ECD: variants seen among roughly 807,000 people sequenced by gnomAD.
ECD encodes the protein protein ecdysoneless homolog.
In ECD, 59 loss-of-function variants were observed where a neutral mutation model predicts 77.2. The ratio of observed to expected loss-of-function variants is 0.76; its 90% CI spans 0.62 to 0.95. The LOEUF is 0.95. ECD is among the 40% of genes least tolerant of loss of function. The pLI, the probability that ECD is intolerant of heterozygous loss-of-function variation, is 0.00. For synonymous variants in ECD, 233 were observed against 267.4 expected, an observed-to-expected ratio of 0.87 and a Z score of 1.26; for missense variants, 704 against 763.4, an observed-to-expected ratio of 0.92 and a Z score of 0.92.
At chr10:73,164,553 C>T (rs542742406) in intron 1 of ECD, among the ~76,000 whole-genome samples, 4 of 151,782 alleles carry the variant, frequency 2.6e-5, no homozygotes, top group Admixed American at 1.3e-4. Context: ...TTGCAACCTC[C>T]ACCTCTTGGG....
chr10:73,139,841 T>C (rs1289395356), intron 9 of ECD, 104 bp from the exon 10 acceptor site: 3 of 717,812 alleles, frequency 4.2e-6, no homozygotes, highest in Admixed American at 3.2e-5. Flanking sequence ...TAGTCTAATT[T>C]GGGGAGTGTT....
At chr10:73,139,214 C>T in intron 11 of ECD, 95 bp downstream of exon 11, 1 of 1,086,668 alleles carries the variant, frequency 9.2e-7, no homozygotes, top group Non-Finnish European at 1.3e-6. Flanking sequence ...AACTCATTTA[C>T]TCAAAAAAAA....
Position 73,163,942 on chromosome 10 carries a change from C to G in ECD, c.-5G>C. ...AAGCTTCATGGTTTCTTCCATTCTT[C>G]TTTGAAAACTATGTTTAAAGTTCCA... is the stretch of plus-strand genomic sequence containing the variant. On this transcript the variant is annotated 5_prime_UTR_variant, in exon 2 of 14. Transcript: ENST00000372979. 6.2e-7 allele frequency: 1 copy of G among 1,612,986 alleles called. No homozygotes were observed.
intron 6 of ECD, among the ~76,000 whole-genome samples, chr10:73,153,625 G>A (rs1370550521): frequency 1.3e-5 from 2 of 150,304 alleles, no homozygotes; most frequent in South Asian, 2.1e-4. Flanking sequence ...CCAGCTACTC[G>A]GGAGGCAGGA....
In ECD at chr10:73,139,640, G is replaced by A. The variant is rs755558331; in HGVS notation, c.1225C>T (p.Pro409Ser). The change falls in exon 10 of 14, where the codon CCA becomes TCA. Residue 409 changes from proline to serine, a missense_variant. By Grantham distance (74) the Pro-to-Ser change is moderately conservative. Transcript: ENST00000372979. The stretch of plus-strand genomic sequence containing the variant: ...CTGGTCCATCACTTACCATCCTCTG[G>A]GGGAAGATTAGCTGCTTCTTTCTTA... ...DLKKEAANLP[P>S]EDDDQWLDLS... 1.0e-5 allele frequency: 16 copies of A among 1,608,018 alleles called. No homozygotes were observed. The South Asian group carries it at 1.0e-4, about 10-fold the overall frequency.
At chr10:73,138,112 A>G (rs776079549) in intron 11 of ECD, 42 bp from the exon 12 acceptor site, 1 of 1,449,536 alleles carries the variant, frequency 6.9e-7, no homozygotes, top group South Asian at 1.5e-5. Context: ...TATTCTAAAT[A>G]CAACTCTTTG....
At position 73,134,627 on chromosome 10, in the gene ECD, C is replaced by CA. The variant is rs765164932; in HGVS notation, c.1890dup (p.Asp631Ter). On this transcript the variant is annotated frameshift_variant, in exon 14 of 14. Transcript: ENST00000372979. LOFTEE classifies it high-confidence loss of function. Reference sequence around the variant, plus strand: ...CTTGTTGGTCTGTGATCGGTGTTGTCAGGCAGCTGCACTCCCATGCTTTGT... The same window carrying CA: ...CTTGTTGGTCTGTGATCGGTGTTGTCAAGGCAGCTGCACTCCCATGCTTTGT... 6.0e-5 allele frequency: 97 copies of CA among 1,614,066 alleles called. No individual in the cohort carries two copies. The highest frequency in any genetic ancestry group is 7.8e-5 in the Non-Finnish European group (92 of 1,180,040).
At chr10:73,153,319 G>A (rs990451273) in intron 6 of ECD, among the ~76,000 whole-genome samples, 4 of 152,084 alleles carry the variant, frequency 2.6e-5, no homozygotes, top group Non-Finnish European at 2.9e-5. Flanking sequence ...TCTCAAACAC[G>A]TGGGTTCAAG....
At chr10:73,162,266 C>T (rs1363434522) in intron 2 of ECD, among the ~76,000 whole-genome samples, 1 of 152,146 alleles carries the variant, frequency 6.6e-6, no homozygotes, top group East Asian at 1.9e-4. Context: ...AGAGGGTCTA[C>T]ACTGAAGCCA....
chr10:73,139,189 G>C (rs987801999), intron 11 of ECD, 120 bp downstream of exon 11: 1 of 973,470 alleles, frequency 1.0e-6, no homozygotes. Flanking sequence ...GCACAAAAAA[G>C]AAAGCAAGCA....
rs1417622264 is a variant in ECD, at chr10:73,133,781, T to C, written c.*802A>G. On this transcript the variant is annotated 3_prime_UTR_variant, in exon 14 of 14. Transcript: ENST00000372979. ...AAACATTTCATCTTAGCAAAAGATA[T>C]ATCAGTTATATTAAATATCAAACCA... 1 of 152,168 alleles carries C rather than the reference T, an allele frequency of 6.6e-6. No individual in the cohort carries two copies. Among genetic ancestry groups the C allele is most frequent in the African/African-American group, 2.4e-5 (1 of 41,432 alleles). 9.4% of individuals were successfully genotyped at this position (152,168 alleles called of 1,614,324 possible). A position where few individuals can be genotyped will look rare whatever the true frequency, so the allele number is the denominator to read the frequency against.
chr10:73,134,915 C>A, intron 13 of ECD, 102 bp from the exon 14 acceptor site: 1 of 1,030,492 alleles, frequency 9.7e-7, no homozygotes, highest in Non-Finnish European at 1.4e-6. Context: ...ATTTGCATTC[C>A]AAATTAAAAA....
intron 8 of ECD, among the ~76,000 whole-genome samples, chr10:73,147,582 A>C (rs763422408): frequency 6.6e-6 from 1 of 152,104 alleles, no homozygotes; most frequent in Non-Finnish European, 1.5e-5. Context: ...ATATACTATA[A>C]TATCATTAGT....
rs778267726 is a variant in ECD at position 73,152,296 on chromosome 10, T to A, written c.909A>T (p.Lys303Asn). The A allele has an allele frequency of 6.2e-7, 1 of 1,612,706 alleles. No individual in the cohort carries two copies. The highest frequency in any genetic ancestry group is 1.1e-5 in the South Asian group (1 of 91,016). Residue 303 changes from lysine (K) to asparagine (N), a missense_variant, in exon 7 of 14, where the codon AAA (lysine) becomes AAT (asparagine). Around this residue, in one of 3 missense-constraint regions of ECD, gnomAD observed 559 missense variants for 583.7 expected, o/e 0.96. Transcript: ENST00000372979. ...PQYRAHELGM[K>N]LAHGFEILCS... is the part of the protein sequence containing the mutation. Reference sequence around the variant, plus strand: ...ACATTTTCTGGTTCAACATTACCAATTTCATGCCCAATTCATGGGCTCGGT... The same window carrying A: ...ACATTTTCTGGTTCAACATTACCAAATTCATGCCCAATTCATGGGCTCGGT...
chr10:73,150,208 GA>G lies in ECD; in HGVS notation c.913-1805del, dbSNP rs1195292147. The stretch of plus-strand genomic sequence containing the variant: ...CTAATGGAACAGAACAGAGCCCTCA[GA>G]AATAATGCCACATATCTACAACTAT... On this transcript the variant is annotated intron_variant, in intron 7 of 13. Coordinates refer to ENST00000372979, the MANE Select transcript of ECD (RefSeq NM_007265.3). Among the ~76,000 whole-genome samples the G allele has an allele frequency of 1.2e-4, 18 of 152,238 alleles. No individual in the cohort carries two copies. The South Asian group carries it at 3.5e-3, about 30-fold the overall frequency.
In ECD at chr10:73,134,368, A is replaced by AT; in HGVS notation, c.*214dup. On this transcript the variant is annotated 3_prime_UTR_variant, in exon 14 of 14. Transcript: ENST00000372979. ...CATCTCAAGGTTGTCTAGGGGCTAG[A>AT]TTCTACCCTGCCGAGTTCAAAACCT... 1.8e-6 allele frequency: 1 copy of AT among 545,348 alleles called. No homozygotes were observed. The highest frequency in any genetic ancestry group is 3.3e-6 in the Non-Finnish European group (1 of 307,056). 33.8% of individuals were successfully genotyped at this position (545,348 alleles called of 1,614,324 possible).
chr10:73,154,442 TG>T lies in ECD; in HGVS notation c.596del (p.Pro199GlnfsTer23), dbSNP rs1266486250. On this transcript the variant is annotated frameshift_variant, in exon 6 of 14. Coordinates refer to ENST00000372979, the MANE Select transcript of ECD (RefSeq NM_007265.3). LOFTEE classifies it high-confidence loss of function. ...GATGAAGTGAGGCCTGAATTTTTTC[TG>T]GGTACCTGGGACAGGTAACATAATT... ...AAVNRRIRGY[P>X]EKIQASLHRA... 6.2e-7 allele frequency: 1 copy of T among 1,607,790 alleles called. No individual in the cohort carries two copies. Among genetic ancestry groups the T allele is most frequent in the Non-Finnish European group, 8.5e-7 (1 of 1,178,108 alleles).
In ECD at chr10:73,133,841, G is replaced by A. The variant is rs967281442; in HGVS notation, c.*742C>T. 6.6e-6 allele frequency: 1 copy of A among 152,064 alleles called. No homozygotes were observed. Among genetic ancestry groups the A allele is most frequent in the African/African-American group, 2.4e-5 (1 of 41,404 alleles). The allele number at this position is 152,064 out of a possible 1,614,324, so 9.4% of individuals were successfully genotyped here. On this transcript the variant is annotated 3_prime_UTR_variant, in exon 14 of 14. Coordinates refer to ENST00000372979, the MANE Select transcript of ECD (RefSeq NM_007265.3). ...TTAAAACAATTAAGTACAGTATCAG[G>A]TATGAAATATCCAAAATAGGCAAAT...
intron 12 of ECD, among the ~76,000 whole-genome samples, chr10:73,137,557 T>G (rs1249589503): frequency 6.6e-6 from 1 of 152,006 alleles, no homozygotes; most frequent in Non-Finnish European, 1.5e-5. Flanking sequence ...GGGCGGATCA[T>G]GAGGTCAGGA....
Sources: gnomAD v4.1 joint callset for allele counts (sites outside exome capture counted in the v4.1 genomes callset) on GRCh38, gnomAD v4.1.1 for gene constraint, gnomAD v4.1.1 regional missense constraint, MANE v1.5 for transcripts, NCBI Gene and HGNC (gene_info 2026-07-23, HGNC 2026-07-21) for gene names.